Variants in CDH12 observed in about 807,000 individuals in gnomAD.
The protein encoded by CDH12 is cadherin 12, also known as cadherin-12.
In CDH12, 41 loss-of-function variants were observed where a neutral mutation model predicts 74.1. That is an observed-to-expected ratio of 0.55 (90% CI 0.43 to 0.72). The LOEUF is 0.72. Among genes scored for constraint, CDH12 ranks in the 30% least tolerant of loss-of-function variants. CDH12 has a pLI of 0.00. For synonymous variants in CDH12, 399 were observed against 355.0 expected (o/e 1.12, Z -1.39); for missense variants, 945 against 977.2 (o/e 0.97, Z 0.44).
At chr5:22,674,270 C>T (rs182533150) in intron 1 of CDH12, among the ~76,000 whole-genome samples, 27 of 152,138 alleles carry the variant, frequency 1.8e-4, no homozygotes, top group Middle Eastern at 3.4e-3. Flanking sequence ...AGGTCTTTTC[C>T]GTGCTGTTCT....
chr5:22,472,628 A>G (rs1746010261), intron 2 of CDH12, among the ~76,000 whole-genome samples: 1 of 151,786 alleles, frequency 6.6e-6, no homozygotes, highest in Admixed American at 6.6e-5. Context: ...TTTTCTCTCA[A>G]AAAAAAATCT....
intron 2 of CDH12, among the ~76,000 whole-genome samples, chr5:22,434,103 T>G (rs1159977570): frequency 6.6e-6 from 1 of 151,884 alleles, no homozygotes; most frequent in Non-Finnish European, 1.5e-5. Flanking sequence ...AAAGAAAGAG[T>G]GAGATGTGTC....
In CDH12 at chr5:21,961,919, T is replaced by C. The variant is rs374029071; in HGVS notation, c.526+13172A>G. 4.6e-5 allele frequency among the ~76,000 whole-genome samples: 7 copies of C among 152,280 alleles called. No individual in the cohort carries two copies. The East Asian group carries it at 1.4e-3, about 29-fold the overall frequency. Reference sequence around the variant, plus strand: ...TCAGTGATGTCAGTGTTGTTAAATCTACCATGTTACTATTTGCCTACTATT... The same window carrying C: ...TCAGTGATGTCAGTGTTGTTAAATCCACCATGTTACTATTTGCCTACTATT... On this transcript the variant is annotated intron_variant, in intron 6 of 14. Transcript: ENST00000382254.
chr5:21,941,141 A>T (rs1755311970), intron 6 of CDH12, among the ~76,000 whole-genome samples: 1 of 152,130 alleles, frequency 6.6e-6, no homozygotes, highest in South Asian at 2.1e-4. Context: ...TTTAGCTACT[A>T]GAAGCAGCAC....
At chr5:21,958,925 A>G (rs1436213977) in intron 6 of CDH12, among the ~76,000 whole-genome samples, 2 of 152,206 alleles carry the variant, frequency 1.3e-5, no homozygotes, top group Non-Finnish European at 2.9e-5. Flanking sequence ...ATCCATGAGC[A>G]TGATATGTTT....
chr5:22,273,792 C>A (rs149908297), intron 3 of CDH12, among the ~76,000 whole-genome samples: 32 of 152,194 alleles, frequency 2.1e-4, no homozygotes, highest in Admixed American at 3.9e-4. Flanking sequence ...GGTCTGTTTC[C>A]TCTTCCTTAT....
At chr5:22,532,350 GAT>G (rs71609770) in intron 1 of CDH12, among the ~76,000 whole-genome samples, 414 of 27,554 alleles carry the variant, frequency 0.015, 82 homozygotes, top group Non-Finnish European at 0.024. Context: ...ATATAAATAG[GAT>G]ATATATATAT....
rs559948864 is a variant in CDH12, at chr5:21,776,228, A to G, written c.1393+7130T>C. 9.2e-5 allele frequency among the ~76,000 whole-genome samples: 14 copies of G among 152,308 alleles called. No homozygotes were observed. The East Asian group carries it at 2.7e-3, about 29-fold the overall frequency. On this transcript the variant is annotated intron_variant, in intron 11 of 14. Transcript: ENST00000382254. ...GCAGTGTGGAATAGTTGCTCGTCCA[A>G]CAGCCTACAAGCACACTGAATCTTG... is the stretch of plus-strand genomic sequence containing the variant.
intron 4 of CDH12, among the ~76,000 whole-genome samples, chr5:22,184,679 C>T (rs4269264): frequency 0.38 from 58,022 of 152,010 alleles, 11,789 homozygotes; most frequent in South Asian, 0.54. Context: ...ATTTAGAACT[C>T]CTGTCCTTAC....
chr5:21,857,381 C>T (rs1208665748), intron 6 of CDH12, among the ~76,000 whole-genome samples: 1 of 151,678 alleles, frequency 6.6e-6, no homozygotes, highest in Non-Finnish European at 1.5e-5. Context: ...GAATGCAGCT[C>T]ATAGAGAAAA....
At chr5:22,587,989 T>C (rs1740498228) in intron 1 of CDH12, among the ~76,000 whole-genome samples, 1 of 148,938 alleles carries the variant, frequency 6.7e-6, no homozygotes, top group Non-Finnish European at 1.5e-5. Flanking sequence ...CATACATATA[T>C]ATGTGTGTCT....
intron 3 of CDH12, among the ~76,000 whole-genome samples, chr5:22,266,648 G>A (rs908990590): frequency 6.6e-6 from 1 of 151,988 alleles, no homozygotes; most frequent in Admixed American, 6.6e-5. Context: ...TTTATGTTAT[G>A]TTAGAAATGA....
chr5:22,636,969 T>G (rs2126864728), intron 1 of CDH12, among the ~76,000 whole-genome samples: 1 of 152,288 alleles, frequency 6.6e-6, no homozygotes, highest in Admixed American at 6.5e-5. Flanking sequence ...AGGCTGTTGA[T>G]GTTAGGATGG....
chr5:22,695,705 G>A (rs954056591), intron 1 of CDH12, among the ~76,000 whole-genome samples: 1 of 151,790 alleles, frequency 6.6e-6, no homozygotes, highest in Non-Finnish European at 1.5e-5. Context: ...ACTTTCAATT[G>A]AAATTGCTTG....
intron 6 of CDH12, among the ~76,000 whole-genome samples, chr5:21,915,222 A>T (rs753851453): frequency 1.8e-4 from 28 of 152,192 alleles, no homozygotes; most frequent in Non-Finnish European, 3.5e-4. Flanking sequence ...AACAGGCTAG[A>T]CATTAGTAGG....
intron 4 of CDH12, among the ~76,000 whole-genome samples, chr5:22,086,122 T>A (rs1368730704): frequency 6.6e-6 from 1 of 152,146 alleles, no homozygotes; most frequent in Non-Finnish European, 1.5e-5. Flanking sequence ...TTTTGTTTTA[T>A]AGACTGCCTG....
At chr5:22,409,651 T>C (rs553666250) in intron 2 of CDH12, among the ~76,000 whole-genome samples, 2 of 152,158 alleles carry the variant, frequency 1.3e-5, no homozygotes, top group Non-Finnish European at 2.9e-5. Context: ...TTCTATATTA[T>C]AATTGAGGAC....
At chr5:22,099,578 C>T (rs1357960014) in intron 4 of CDH12, among the ~76,000 whole-genome samples, 1 of 152,106 alleles carries the variant, frequency 6.6e-6, no homozygotes, top group East Asian at 1.9e-4. Flanking sequence ...ACTTGTCATC[C>T]CTACTATCTT....
intron 6 of CDH12, among the ~76,000 whole-genome samples, chr5:21,887,219 C>T (rs1752676999): frequency 6.6e-6 from 1 of 152,232 alleles, no homozygotes; most frequent in Admixed American, 6.5e-5. Context: ...TTCTTTGATA[C>T]TCCTTCTTTT....
Sources: gnomAD v4.1 joint callset for allele counts (sites outside exome capture counted in the v4.1 genomes callset) on GRCh38, gnomAD v4.1.1 for gene constraint, MANE v1.5 for transcripts, NCBI Gene and HGNC (gene_info 2026-07-23, HGNC 2026-07-21) for gene names.